SLC35G1: variants seen among roughly 807,000 people sequenced by gnomAD.
The protein encoded by SLC35G1 is partner of STIM1.
SLC35G1 carries 10 observed loss-of-function variants against 17.1 expected under a neutral mutation model. The ratio of observed to expected loss-of-function variants is 0.59; its 90% CI spans 0.36 to 0.99. SLC35G1 has a LOEUF of 0.99. SLC35G1 is among the 50% of genes least tolerant of loss of function. The pLI, the probability that SLC35G1 is intolerant of heterozygous loss-of-function variation, is 0.01. For missense variants in SLC35G1, 433 were observed against 468.4 expected (o/e 0.92, Z 0.70); for synonymous variants, 185 against 181.1 (o/e 1.02, Z -0.18).
At chr10:93,894,636 G>A (rs1407460584) in intron 1 of SLC35G1, among the ~76,000 whole-genome samples, 1 of 152,138 alleles carries the variant, frequency 6.6e-6, no homozygotes, top group African/African-American at 2.4e-5. Flanking sequence ...AAAGGAAGCT[G>A]AAAAGCATCG....
chr10:93,903,797 ACTAAT>A lies in SLC35G1; in HGVS notation c.*2308_*2312del, dbSNP rs2060412614. The A allele has an allele frequency of 6.6e-6, 1 of 152,242 alleles. No homozygotes were observed. Among genetic ancestry groups the A allele is most frequent in the Non-Finnish European group, 1.5e-5 (1 of 68,044 alleles). 9.4% of individuals were successfully genotyped at this position (152,242 alleles called of 1,614,324 possible). ...ATTTTCATAAATTGTTTTTATAAGT[ACTAAT>A]AAAATAATATGAAAGAAAGCTATAT... On this transcript the variant is annotated 3_prime_UTR_variant, in exon 3 of 3. Coordinates refer to ENST00000427197, the MANE Select transcript of SLC35G1 (RefSeq NM_001134658.3).
intron 1 of SLC35G1, among the ~76,000 whole-genome samples, chr10:93,897,916 C>T (rs1589800148): frequency 1.3e-5 from 2 of 152,334 alleles, no homozygotes; most frequent in East Asian, 3.9e-4. Flanking sequence ...ATTTGATTAA[C>T]AGTTCAAAAT....
chr10:93,905,427 T>C (rs1480755840), downstream of SLC35G1, among the ~76,000 whole-genome samples: 1 of 152,170 alleles, frequency 6.6e-6, no homozygotes, highest in East Asian at 1.9e-4. Context: ...ACAGCTACCA[T>C]ATTCACCTAG....
chr10:93,896,199 T>C (rs1311631468), intron 1 of SLC35G1, among the ~76,000 whole-genome samples: 1 of 152,174 alleles, frequency 6.6e-6, no homozygotes, highest in Non-Finnish European at 1.5e-5. Flanking sequence ...TTTCCCCGTG[T>C]TGCCCAGGGT....
rs2060397252 is a variant in SLC35G1, at chr10:93,902,399, T to G, written c.*909T>G. The G allele has an allele frequency of 6.6e-6, 1 of 152,586 alleles. No homozygotes were observed. The highest frequency in any genetic ancestry group is 2.4e-5 in the African/African-American group (1 of 41,434). 9.5% of individuals were successfully genotyped at this position (152,586 alleles called of 1,614,324 possible). On this transcript the variant is annotated 3_prime_UTR_variant, in exon 3 of 3. Transcript: ENST00000427197. ...ATTTTCTATAAATTCCCCTTGAATT[T>G]ATAGTGTGATGCCAAATAAAATTTT...
chr10:93,902,578 T>A lies in SLC35G1; in HGVS notation c.*1088T>A, dbSNP rs896773523. On this transcript the variant is annotated 3_prime_UTR_variant, in exon 3 of 3. Coordinates refer to ENST00000427197, the MANE Select transcript of SLC35G1 (RefSeq NM_001134658.3). ...TTTGGAGTATATGTTTTTAAAGTAATTTTTTAAAATATGGTAATGTATTAA... is the reference window on the plus strand; with the variant it reads ...TTTGGAGTATATGTTTTTAAAGTAAATTTTTAAAATATGGTAATGTATTAA... The A allele has an allele frequency of 1.4e-4, 21 of 152,618 alleles. No individual in the cohort carries two copies. Among genetic ancestry groups the A allele is most frequent in the African/African-American group, 5.1e-4 (21 of 41,460 alleles). The allele number at this position is 152,618 out of a possible 1,614,324, so 9.5% of individuals were successfully genotyped here. A position where few individuals can be genotyped will look rare whatever the true frequency, so the allele number is the denominator to read the frequency against.
Position 93,900,966 on chromosome 10 carries a change from T to C in SLC35G1, c.574T>C (p.Phe192Leu). The C allele has an allele frequency of 6.2e-7, 1 of 1,614,138 alleles. No homozygotes were observed. The highest frequency in any genetic ancestry group is 8.5e-7 in the Non-Finnish European group (1 of 1,179,996). ...CCCTTGGGATGCTCTTTTCACCGTG[T>C]TCACAATCACTGGAGTGATCCTTAT... ...YSPWDALFTV[F>L]TITGVILIVR... is the part of the protein sequence containing the mutation. Residue 192 changes from phenylalanine (F) to leucine (L), a missense_variant, in exon 3 of 3, where the codon TTC becomes CTC. By Grantham distance (22) the Phe-to-Leu change is conservative. Transcript: ENST00000427197.
exon 3 of SLC35G1, chr10:93,909,299 CT>C (rs1269683582): frequency 6.6e-6 from 1 of 152,098 alleles, no homozygotes; most frequent in Non-Finnish European, 1.5e-5. Context: ...AAACCCTGGT[CT>C]GTCCAACTAC....
Position 93,901,478 on chromosome 10 carries a change from A to G in SLC35G1, c.1086A>G (p.Gln362=), listed in dbSNP as rs2060384736. 1.3e-6 allele frequency: 2 copies of G among 1,588,614 alleles called. No individual in the cohort carries two copies. Among genetic ancestry groups the G allele is most frequent in the East Asian group, 2.2e-5 (1 of 44,634 alleles). The part of the protein sequence containing the change: ...NVGAAIRKWY[Q]SSK Reference sequence around the variant, plus strand: ...GAGCGGCCATTCGTAAATGGTACCAAAGTTCCAAATGAAGCATCATTGCTG... The same window carrying G: ...GAGCGGCCATTCGTAAATGGTACCAGAGTTCCAAATGAAGCATCATTGCTG... Residue 362 remains glutamine, a synonymous_variant, in exon 3 of 3, where the codon CAA becomes CAG. Coordinates refer to ENST00000427197, the MANE Select transcript of SLC35G1 (RefSeq NM_001134658.3).
intron 1 of SLC35G1, among the ~76,000 whole-genome samples, 156 bp from the exon 2 acceptor site, chr10:93,898,415 G>T (rs1284433861): frequency 6.6e-6 from 1 of 152,180 alleles, no homozygotes; most frequent in African/African-American, 2.4e-5. Flanking sequence ...CTTCATAATT[G>T]ATGGGGAAAA....
chr10:93,900,894 G>T lies in SLC35G1; in HGVS notation c.502G>T (p.Val168Leu). 5 of 1,614,022 alleles carry T rather than the reference G, an allele frequency of 3.1e-6. No homozygotes were observed. The highest frequency in any genetic ancestry group is 4.2e-6 in the Non-Finnish European group (5 of 1,179,976). The part of the protein sequence containing the change: ...DATVITFSSP[V>L]FTSIFAWICL... The stretch of plus-strand genomic sequence containing the variant: ...CACAGTTATCACGTTTAGCAGTCCA[G>T]TGTTTACGTCCATATTTGCTTGGAT... Residue 168 changes from valine (V) to leucine (L), a missense_variant, in exon 3 of 3, where the codon GTG becomes TTG. Val to Leu is a conservative substitution (Grantham distance 32). Coordinates refer to ENST00000427197, the MANE Select transcript of SLC35G1 (RefSeq NM_001134658.3).
chr10:93,903,963 A>G (rs904506789), downstream of SLC35G1: 14 of 152,114 alleles, frequency 9.2e-5, no homozygotes, highest in Non-Finnish European at 4.4e-5. Flanking sequence ...TGTCTGACCC[A>G]CTTGTACTAT....
At position 93,898,733 on chromosome 10, in the gene SLC35G1, C is replaced by G; in HGVS notation, c.341C>G (p.Pro114Arg). The change falls in exon 2 of 3, where the codon CCT (proline) becomes CGT (arginine). Residue 114 changes from proline to arginine, a missense_variant. Pro to Arg is a moderately radical substitution (Grantham distance 103). Transcript: ENST00000427197. Reference protein sequence around the residue: ...RCVFQMLVVIPCLIYRKTGFI... With the variant: ...RCVFQMLVVIRCLIYRKTGFI... ...GTGTTCCAAATGCTAGTTGTTATCC[C>G]TTGCTTAATATACAGAAAGTAAGTA... 1 of 1,604,560 alleles carries G rather than the reference C, an allele frequency of 6.2e-7. No homozygotes were observed. The highest frequency in any genetic ancestry group is 8.5e-7 in the Non-Finnish European group (1 of 1,177,532).
chr10:93,901,520 C>T lies in SLC35G1; in HGVS notation c.*30C>T. The T allele has an allele frequency of 2.6e-6, 4 of 1,550,306 alleles. No homozygotes were observed. Among genetic ancestry groups the T allele is most frequent in the Non-Finnish European group, 3.5e-6 (4 of 1,151,188 alleles). ...TCATTGCTGAAATACATATTTTTTT[C>T]AAGTACACCATCACCTAATTCACAT... is the stretch of plus-strand genomic sequence containing the variant. On this transcript the variant is annotated 3_prime_UTR_variant, in exon 3 of 3. Transcript: ENST00000427197.
chr10:93,898,449 A>G (rs533622734), intron 1 of SLC35G1, 122 bp from the exon 2 acceptor site: 2 of 824,350 alleles, frequency 2.4e-6, no homozygotes, highest in East Asian at 2.6e-5. Flanking sequence ...GAGAAATGAT[A>G]TGCTTAGGAG....
chr10:93,896,498 C>T (rs1439215365), intron 1 of SLC35G1, among the ~76,000 whole-genome samples: 1 of 152,134 alleles, frequency 6.6e-6, no homozygotes, highest in Non-Finnish European at 1.5e-5. Flanking sequence ...GAACATGGAA[C>T]CTAAACAAAT....
intron 1 of SLC35G1, among the ~76,000 whole-genome samples, chr10:93,896,081 C>T (rs1307412623): frequency 6.6e-6 from 1 of 151,862 alleles, no homozygotes; most frequent in African/African-American, 2.4e-5. Flanking sequence ...ACCTCAACCT[C>T]CTGGGCTTAC....
At chr10:93,899,547 T>C (rs2060362635) in intron 2 of SLC35G1, among the ~76,000 whole-genome samples, 1 of 152,158 alleles carries the variant, frequency 6.6e-6, no homozygotes. Context: ...CCTGGCTCTT[T>C]GTCTCTTTGG....
At position 93,902,970 on chromosome 10, in the gene SLC35G1, G is replaced by C. The variant is rs1185624932; in HGVS notation, c.*1480G>C. 6.6e-6 allele frequency: 1 copy of C among 152,216 alleles called. No homozygotes were observed. Among genetic ancestry groups the C allele is most frequent in the African/African-American group, 2.4e-5 (1 of 41,452 alleles). The allele number at this position is 152,216 out of a possible 1,614,324, so 9.4% of individuals were successfully genotyped here. A position where few individuals can be genotyped will look rare whatever the true frequency, so the allele number is the denominator to read the frequency against. Reference sequence around the variant, plus strand: ...ATTGGTGAGGTTGCAATAGCTTCCAGCTCTTACTGTGTCAGATGAAGCATC... The same window carrying C: ...ATTGGTGAGGTTGCAATAGCTTCCACCTCTTACTGTGTCAGATGAAGCATC... On this transcript the variant is annotated 3_prime_UTR_variant, in exon 3 of 3. Transcript: ENST00000427197.
Sources: gnomAD v4.1 joint callset for allele counts (sites outside exome capture counted in the v4.1 genomes callset) on GRCh38, gnomAD v4.1.1 for gene constraint, MANE v1.5 for transcripts, NCBI Gene and HGNC (gene_info 2026-07-23, HGNC 2026-07-21) for gene names.